Variants in NPC1 observed in about 807,000 individuals in gnomAD.
NPC1 encodes the protein Niemann-Pick C1 protein.
In NPC1, 85 loss-of-function variants were observed where a neutral mutation model predicts 140.4. That is an observed-to-expected ratio of 0.61 (90% CI 0.51 to 0.72). The LOEUF (loss-of-function observed/expected upper bound fraction) is 0.72. Ranked by LOEUF, NPC1 falls within the 30% of genes least tolerant of loss-of-function variation. NPC1 has a pLI of 0.00. For synonymous variants in NPC1, 656 were observed against 624.8 expected (o/e 1.05, Z -0.74); for missense variants, 1,504 against 1,623.8 (o/e 0.93, Z 1.27).
chr18:23,506,774 A>C (rs1469411578), intron 3 of NPC1: 6 of 475,980 alleles, frequency 1.3e-5, no homozygotes, highest in Non-Finnish European at 2.3e-5. Flanking sequence ...TAATACTGTA[A>C]GTTTCCCAGC....
chr18:23,549,917 G>C (rs1459850690), intron 10 of NPC1, among the ~76,000 whole-genome samples: 1 of 148,218 alleles, frequency 6.7e-6, no homozygotes, highest in African/African-American at 2.5e-5. Context: ...AATTTTTTTT[G>C]TATTTTCAGT....
At chr18:23,533,187 C>T (rs1026275581) in intron 24 of NPC1, 168 bp downstream of exon 24, 4 of 779,886 alleles carry the variant, frequency 5.1e-6, no homozygotes, top group Non-Finnish European at 8.2e-6. Flanking sequence ...TCATGAATCC[C>T]CTGGATGGGT....
At chr18:23,507,306 C>T (rs1206507614) in intron 3 of NPC1, among the ~76,000 whole-genome samples, 1 of 152,128 alleles carries the variant, frequency 6.6e-6, no homozygotes, top group Non-Finnish European at 1.5e-5. Flanking sequence ...GTTGCCCAGG[C>T]TGGAGTGCAG....
chr18:23,570,960 T>C (rs1230127596), intron 3 of NPC1, among the ~76,000 whole-genome samples: 1 of 151,916 alleles, frequency 6.6e-6, no homozygotes, highest in East Asian at 1.9e-4. Flanking sequence ...AAGCAAAGCA[T>C]GGGGGGAGAG....
intron 15 of NPC1, 46 bp from the exon 16 acceptor site, chr18:23,541,254 C>T (rs757073758): frequency 2.2e-5 from 36 of 1,614,106 alleles, no homozygotes; most frequent in Non-Finnish European, 2.9e-5. Flanking sequence ...TAGCTGCTTC[C>T]TCTAGATTCT....
intron 2 of NPC1, 74 bp from the exon 3 acceptor site, chr18:23,572,254 G>T: frequency 2.1e-6 from 2 of 951,776 alleles, no homozygotes; most frequent in South Asian, 1.3e-5. Context: ...AGTGAACTAA[G>T]ACACATTCAT....
At chr18:23,561,871 C>T (rs150404984) in intron 4 of NPC1, among the ~76,000 whole-genome samples, 1 of 152,316 alleles carries the variant, frequency 6.6e-6, no homozygotes, top group African/African-American at 2.4e-5. Flanking sequence ...AGCTAAGAGC[C>T]TCAGTACTTC....
downstream of NPC1, chr18:23,526,642 C>G: frequency 6.2e-7 from 1 of 1,613,958 alleles, no homozygotes; most frequent in Non-Finnish European, 8.5e-7. Flanking sequence ...TCCAGGTTAC[C>G]TCTGGAACCT....
Position 23,531,917 on chromosome 18 carries a change from TCACA to T in NPC1, c.*281_*284del, listed in dbSNP as rs2058524435. The T allele has an allele frequency of 6.9e-7, 1 of 1,442,728 alleles. No individual in the cohort carries two copies. The highest frequency in any genetic ancestry group is 1.4e-5 in the African/African-American group (1 of 69,496). 89.4% of individuals were successfully genotyped at this position (1,442,728 alleles called of 1,614,324 possible). ...CAGAGTGTCAGTGAGCGGATCACAT[TCACA>T]GCCATCTAGTGTCACCTCCTGCTTG... On this transcript the variant is annotated 3_prime_UTR_variant, in exon 25 of 25. Coordinates refer to ENST00000269228, the MANE Select transcript of NPC1 (RefSeq NM_000271.5).
intron 6 of NPC1, among the ~76,000 whole-genome samples, chr18:23,558,977 G>C (rs182166854): frequency 6.6e-6 from 1 of 152,046 alleles, no homozygotes; most frequent in Non-Finnish European, 1.5e-5. Flanking sequence ...GCGGTGTTTG[G>C]TTTTTTGTCC....
At chr18:23,511,617 A>G (rs923184377) in intron 3 of NPC1, among the ~76,000 whole-genome samples, 4 of 152,192 alleles carry the variant, frequency 2.6e-5, no homozygotes, top group African/African-American at 9.7e-5. Flanking sequence ...CTTTTTAACA[A>G]AAAGGGGAAT....
At chr18:23,578,564 C>T (rs566092994) in intron 1 of NPC1, among the ~76,000 whole-genome samples, 283 of 152,162 alleles carry the variant, frequency 1.9e-3, no homozygotes, top group Non-Finnish European at 3.4e-3. Context: ...GCTGCTCCAC[C>T]TCAGGGGCCT....
chr18:23,548,008 T>A lies in NPC1; in HGVS notation c.1755A>T (p.Lys585Asn). ...EKLQRAQAWE[K>N]EFINFVKNYK... Reference sequence around the variant, plus strand: ...GCTCACACCCATGAGTGACTCACTCTTTTTCCCAGGCCTGGGCCCTCTGGA... The same window carrying A: ...GCTCACACCCATGAGTGACTCACTCATTTTCCCAGGCCTGGGCCCTCTGGA... The change falls in exon 11 of 25, where the codon AAA becomes AAT. Residue 585 changes from lysine (K) to asparagine (N), a missense_variant and splice_region_variant. Coordinates refer to ENST00000269228, the MANE Select transcript of NPC1 (RefSeq NM_000271.5). 1 of 1,575,860 alleles carries A rather than the reference T, an allele frequency of 6.3e-7. No individual in the cohort carries two copies. Among genetic ancestry groups the A allele is most frequent in the African/African-American group, 1.3e-5 (1 of 74,310 alleles).
exon 4 of NPC1, chr18:23,506,212 T>C (rs1406182248): frequency 6.6e-6 from 1 of 150,532 alleles, no homozygotes; most frequent in East Asian, 1.9e-4. Context: ...TATTGAGGCA[T>C]AGTTGACACA....
chr18:23,550,607 G>A (rs934967019), intron 10 of NPC1, among the ~76,000 whole-genome samples: 7 of 148,942 alleles, frequency 4.7e-5, no homozygotes, highest in South Asian at 2.1e-4. Context: ...TCAGCCTCCC[G>A]AGTAGCTGGG....
chr18:23,530,014 A>T (rs1300702988), downstream of NPC1: 1 of 1,601,026 alleles, frequency 6.2e-7, no homozygotes, highest in Non-Finnish European at 8.6e-7. Context: ...TTCACTTTTT[A>T]CTTTTGTCCT....
At chr18:23,571,500 T>C (rs1240517217) in intron 3 of NPC1, among the ~76,000 whole-genome samples, 3 of 151,722 alleles carry the variant, frequency 2.0e-5, no homozygotes, top group African/African-American at 7.3e-5. Flanking sequence ...CTACTAAAAA[T>C]ATAAAACTTA....
chr18:23,559,196 T>G (rs2058999985), intron 6 of NPC1, among the ~76,000 whole-genome samples: 1 of 152,214 alleles, frequency 6.6e-6, no homozygotes, highest in African/African-American at 2.4e-5. Flanking sequence ...TGTGCATGTG[T>G]CTTTATAGCA....
Position 23,557,128 on chromosome 18 carries a change from G to A in NPC1, c.944C>T (p.Ala315Val). The A allele has an allele frequency of 6.2e-7, 1 of 1,612,570 alleles. No individual in the cohort carries two copies. The highest frequency in any genetic ancestry group is 8.5e-7 in the Non-Finnish European group (1 of 1,178,740). The change falls in exon 7 of 25, where the codon GCA becomes GTA. Residue 315 changes from alanine (A) to valine (V), a missense_variant. Coordinates refer to ENST00000269228, the MANE Select transcript of NPC1 (RefSeq NM_000271.5). ...ACAAATATGCCTACCTTTGTCACTT[G>A]CATTAACAGAAAAAGCTATATTGCT... ...IDSNIAFSVN[A>V]SDKGEASCCD...
Sources: allele counts gnomAD v4.1 joint callset (sites outside exome capture counted in the v4.1 genomes callset), GRCh38; gene constraint gnomAD v4.1.1; transcripts MANE v1.5; gene names NCBI Gene and HGNC (gene_info 2026-07-23, HGNC 2026-07-21).